The following EIF1B variants were observed in gnomAD, a reference collection of about 807,000 sequenced individuals.
EIF1B encodes the protein protein translation factor SUI1 homolog GC20.
In EIF1B, 5 loss-of-function variants were observed where a neutral mutation model predicts 14.8. The ratio of observed to expected loss-of-function variants is 0.34; its 90% confidence interval spans 0.18 to 0.71. EIF1B has a LOEUF of 0.71. EIF1B is among the 30% of genes least tolerant of loss of function. The pLI is 0.64. For missense variants in EIF1B, 56 were observed against 134.0 expected (o/e 0.42, Z 2.87); for synonymous variants, 45 against 45.8 (o/e 0.98, Z 0.07).
Position 40,310,107 on chromosome 3 carries a change from A to G in EIF1B, c.31+135A>G, listed in dbSNP as rs1360976515. The G allele has an allele frequency of 9.5e-6, 12 of 1,265,204 alleles. No individual in the cohort carries two copies. In the East Asian group the frequency reaches 1.7e-4, roughly 18 times the overall value. The allele number at this position is 1,265,204 out of a possible 1,614,324, so 78.4% of individuals were successfully genotyped here. A position where few individuals can be genotyped will look rare whatever the true frequency, so the allele number is the denominator to read the frequency against. ...AGTGGGGCTTTGTCTCGGCGCCCAGAAAATGGCGACGGGGCCCCTGGCGAC... is the reference window on the plus strand; with the variant it reads ...AGTGGGGCTTTGTCTCGGCGCCCAGGAAATGGCGACGGGGCCCCTGGCGAC... On this transcript the variant is annotated intron_variant, in intron 1 of 3. Coordinates refer to ENST00000232905, the MANE Select transcript of EIF1B (RefSeq NM_005875.3).
chr3:40,311,187 C>A, intron 2 of EIF1B, 131 bp downstream of exon 2: 3 of 860,610 alleles, frequency 3.5e-6, no homozygotes, highest in Non-Finnish European at 5.1e-6. Flanking sequence ...TTGTAATTAA[C>A]ATGTAAATAT....
At position 40,310,896 on chromosome 3, in the gene EIF1B, C is replaced by T; in HGVS notation, c.35C>T (p.Pro12Leu). Reference protein sequence around the residue: ...STIQNLQSFDPFADATKGDDL... With the variant: ...STIQNLQSFDLFADATKGDDL... ...TTTTTTTTTTATCCATTCGCAGACC[C>T]CTTTGCTGATGCAACTAAGGGTGAC... Residue 12 changes from proline to leucine, a missense_variant, in exon 2 of 4, where the codon CCC becomes CTC. Physicochemically the swap from Pro to Leu is moderately conservative, Grantham distance 98. Coordinates refer to ENST00000232905, the MANE Select transcript of EIF1B (RefSeq NM_005875.3). 2 of 1,589,832 alleles carry T rather than the reference C, an allele frequency of 1.3e-6. No individual in the cohort carries two copies. The highest frequency in any genetic ancestry group is 2.3e-5 in the South Asian group (2 of 86,942).
At chr3:40,310,774 A>G in intron 1 of EIF1B, 119 bp from the exon 2 acceptor site, 2 of 1,108,768 alleles carry the variant, frequency 1.8e-6, no homozygotes, top group Non-Finnish European at 2.5e-6. Context: ...AAAACAGCAA[A>G]GGCACTAGAA....
intron 2 of EIF1B, 60 bp downstream of exon 2, chr3:40,311,116 GAT>G (rs1954320490): frequency 1.3e-6 from 2 of 1,490,030 alleles, no homozygotes; most frequent in African/African-American, 2.8e-5. Flanking sequence ...ACTGGATTAT[GAT>G]TCACACCTTT....
intron 1 of EIF1B, among the ~76,000 whole-genome samples, chr3:40,310,350 C>T (rs1053471606): frequency 6.6e-6 from 1 of 152,246 alleles, no homozygotes; most frequent in Non-Finnish European, 1.5e-5. Context: ...CGTTCTCTGG[C>T]AGCTCCTGGG....
chr3:40,310,911 C>G lies in EIF1B; in HGVS notation c.50C>G (p.Thr17Ser). ...TTCGCAGACCCCTTTGCTGATGCAA[C>G]TAAGGGTGACGACTTACTCCCGGCA... ...LQSFDPFADATKGDDLLPAGT... is the reference protein window; with the variant it reads ...LQSFDPFADASKGDDLLPAGT... The change falls in exon 2 of 4, where the codon ACT becomes AGT. Residue 17 changes from threonine to serine, a missense_variant. Physicochemically the swap from Thr to Ser is moderately conservative, Grantham distance 58. This residue lies in a region of EIF1B where 20 missense variants were observed against 29.2 expected (regional missense o/e 0.69). Coordinates refer to ENST00000232905, the MANE Select transcript of EIF1B (RefSeq NM_005875.3). The G allele has an allele frequency of 6.2e-7, 1 of 1,605,600 alleles. No individual in the cohort carries two copies. The highest frequency in any genetic ancestry group is 8.5e-7 in the Non-Finnish European group (1 of 1,176,592).
At chr3:40,311,687 G>A (rs1433803086) in intron 3 of EIF1B, 116 bp downstream of exon 3, 3 of 851,146 alleles carry the variant, frequency 3.5e-6, no homozygotes, top group African/African-American at 3.4e-5. Flanking sequence ...GAAATTAGGT[G>A]AAATAAAGAC....
chr3:40,311,777 C>T lies in EIF1B; in HGVS notation c.298-193C>T, dbSNP rs377373450. 3.9e-5 allele frequency: 26 copies of T among 661,016 alleles called. No homozygotes were observed. The East Asian group carries it at 6.8e-4, about 17-fold the overall frequency. 40.9% of individuals were successfully genotyped at this position (661,016 alleles called of 1,614,324 possible). A position where few individuals can be genotyped will look rare whatever the true frequency, so the allele number is the denominator to read the frequency against. On this transcript the variant is annotated intron_variant, in intron 3 of 3. Coordinates refer to ENST00000232905, the MANE Select transcript of EIF1B (RefSeq NM_005875.3). ...TATTCTGATCATTTCTTTATATACA[C>T]ACACAGGCTATTTCTTGGCATGTAA...
chr3:40,310,797 ACTGT>A (rs1027569798), intron 1 of EIF1B, 92 bp from the exon 2 acceptor site: 2 of 1,323,328 alleles, frequency 1.5e-6, no homozygotes, highest in Non-Finnish European at 2.0e-6. Context: ...TTCATTGATG[ACTGT>A]CTGGATTGGT....
chr3:40,309,821 C>A lies in EIF1B; in HGVS notation c.-121C>A. 1 of 1,272,626 alleles carries A rather than the reference C, an allele frequency of 7.9e-7. No homozygotes were observed. Among genetic ancestry groups the A allele is most frequent in the Non-Finnish European group, 1.1e-6 (1 of 884,682 alleles). 78.8% of individuals were successfully genotyped at this position (1,272,626 alleles called of 1,614,324 possible). On this transcript the variant is annotated 5_prime_UTR_variant, in exon 1 of 4. Transcript: ENST00000232905. ...CGCCGCCACTCCAGCCTAATCCCAA[C>A]CCCAGGGCGAAGCGTTTTCTTATTT...
chr3:40,310,059 C>G, intron 1 of EIF1B, 87 bp downstream of exon 1: 1 of 1,544,366 alleles, frequency 6.5e-7, no homozygotes. Context: ...TAGGGGCCCC[C>G]TTTCTGCCCT....
rs763097539 is a variant in EIF1B at position 40,310,990 on chromosome 3, A to G, written c.129A>G (p.Thr43=). Residue 43 remains threonine, a synonymous_variant, in exon 2 of 4, where the codon ACA becomes ACG. Transcript: ENST00000232905. ...IRIQQRNGRK[T]LTTVQGIADD... Reference sequence around the variant, plus strand: ...TCCAGCAACGGAACGGCAGAAAGACACTGACTACTGTTCAGGGCATTGCAG... The same window carrying G: ...TCCAGCAACGGAACGGCAGAAAGACGCTGACTACTGTTCAGGGCATTGCAG... 6.2e-7 allele frequency: 1 copy of G among 1,614,086 alleles called. No homozygotes were observed. The highest frequency in any genetic ancestry group is 1.1e-5 in the South Asian group (1 of 91,086).
intron 3 of EIF1B, 50 bp from the exon 4 acceptor site, chr3:40,311,920 A>G (rs1362545188): frequency 1.5e-6 from 2 of 1,332,234 alleles, no homozygotes; most frequent in Non-Finnish European, 2.1e-6. Flanking sequence ...TTCTTAATGA[A>G]TTTTTATATT....
intron 1 of EIF1B, among the ~76,000 whole-genome samples, chr3:40,310,302 A>G (rs1306876445): frequency 6.6e-6 from 1 of 152,162 alleles, no homozygotes; most frequent in Admixed American, 6.5e-5. Flanking sequence ...GCTACTTGCA[A>G]AGGGTATGCC....
chr3:40,310,884 C>A lies in EIF1B; in HGVS notation c.32-9C>A. On this transcript the variant is annotated splice_polypyrimidine_tract_variant and intron_variant, in intron 1 of 3. Transcript: ENST00000232905. ...TTTGGATTTTTTTTTTTTTTTTATC[C>A]ATTCGCAGACCCCTTTGCTGATGCA... is the stretch of plus-strand genomic sequence containing the variant. 2 of 1,523,476 alleles carry A rather than the reference C, an allele frequency of 1.3e-6. No individual in the cohort carries two copies. Among genetic ancestry groups the A allele is most frequent in the Non-Finnish European group, 1.8e-6 (2 of 1,136,240 alleles). 94.4% of individuals were successfully genotyped at this position (1,523,476 alleles called of 1,614,324 possible).
At chr3:40,311,090 T>G in intron 2 of EIF1B, 34 bp downstream of exon 2, 1 of 1,600,764 alleles carries the variant, frequency 6.2e-7, no homozygotes, top group Non-Finnish European at 8.5e-7. Flanking sequence ...TTAGAGTTAC[T>G]GATGCACACC....
chr3:40,309,817 C>A lies in EIF1B; in HGVS notation c.-125C>A. Reference sequence around the variant, plus strand: ...CCGCCGCCGCCACTCCAGCCTAATCCCAACCCCAGGGCGAAGCGTTTTCTT... The same window carrying A: ...CCGCCGCCGCCACTCCAGCCTAATCACAACCCCAGGGCGAAGCGTTTTCTT... On this transcript the variant is annotated 5_prime_UTR_variant, in exon 1 of 4. Transcript: ENST00000232905. 1.6e-6 allele frequency: 2 copies of A among 1,238,410 alleles called. No homozygotes were observed. Among genetic ancestry groups the A allele is most frequent in the South Asian group, 1.2e-5 (1 of 80,092 alleles). 76.7% of individuals were successfully genotyped at this position (1,238,410 alleles called of 1,614,324 possible).
At chr3:40,311,907 GTTTTCTTAATGAATT>G in intron 3 of EIF1B, 48 bp from the exon 4 acceptor site, 1 of 1,274,704 alleles carries the variant, frequency 7.8e-7, no homozygotes. Context: ...ACTCTTCCAT[GTTTTCTTAATGAATT>G]TTTATATTTC....
intron 1 of EIF1B, chr3:40,310,647 A>G (rs763077333): frequency 8.9e-6 from 3 of 338,444 alleles, no homozygotes; most frequent in Non-Finnish European, 1.6e-5. Flanking sequence ...CGATAACATT[A>G]TTTATCTATA....
Sources: allele counts gnomAD v4.1 joint callset (sites outside exome capture counted in the v4.1 genomes callset), GRCh38; gene constraint gnomAD v4.1.1; regional missense constraint gnomAD v4.1.1; transcripts MANE v1.5; gene names NCBI Gene and HGNC (gene_info 2026-07-23, HGNC 2026-07-21).